The following WNT5A variants were observed in gnomAD, a reference collection of about 807,000 sequenced individuals.
WNT5A encodes protein Wnt-5a.
A neutral mutation model predicts 42.1 loss-of-function variants in WNT5A; 9 were observed. The ratio of observed to expected loss-of-function variants is 0.21; its 90% CI spans 0.13 to 0.37. The LOEUF (loss-of-function observed/expected upper bound fraction) is 0.37, where lower values mean the gene tolerates loss of function less well. Ranked by LOEUF, WNT5A falls within the 10% of genes least tolerant of loss-of-function variation. WNT5A has a pLI of 1.00. For synonymous variants in WNT5A, 210 were observed against 210.0 expected, an observed-to-expected ratio of 1.00 and a Z score of 0.00; for missense variants, 426 against 534.0, an observed-to-expected ratio of 0.80 and a Z score of 1.99.
In WNT5A at chr3:55,467,041, C is replaced by A. The variant is rs2051155342; in HGVS notation, c.*3051G>T. ...TAACTTGTATTAATTGCACTTAACACAATGAACCTTTAGTTTCCAACCAGT... is the reference window on the plus strand; with the variant it reads ...TAACTTGTATTAATTGCACTTAACAAAATGAACCTTTAGTTTCCAACCAGT... On this transcript the variant is annotated 3_prime_UTR_variant, in exon 5 of 5. Coordinates refer to ENST00000264634, the MANE Select transcript of WNT5A (RefSeq NM_003392.7). The A allele has an allele frequency of 6.6e-6, 1 of 152,218 alleles. No individual in the cohort carries two copies. The highest frequency in any genetic ancestry group is 1.9e-4 in the East Asian group (1 of 5,196). 9.4% of individuals were successfully genotyped at this position (152,218 alleles called of 1,614,324 possible).
At chr3:55,489,278 GACACACACACGCGCGCACACAC>G (rs1051798546), upstream of WNT5A, 2 of 117,414 alleles carry the variant, frequency 1.7e-5, no homozygotes, top group African/African-American at 7.5e-5. Context: ...CAAAGGTGAA[GACACACACACGCGCGCACACAC>G]ACACACACAC....
chr3:55,474,082 A>G (rs1396243342), intron 4 of WNT5A, among the ~76,000 whole-genome samples: 1 of 152,136 alleles, frequency 6.6e-6, no homozygotes, highest in East Asian at 1.9e-4. Flanking sequence ...AAGGGGGAGA[A>G]GAGAGAGACC....
chr3:55,470,197 C>G lies in WNT5A; in HGVS notation c.1038G>C (p.Gln346His), dbSNP rs2051220025. ...AGCGCTCCGTCTGCACGGTCTTGAACTGGTCGTAGCCACGGCCGCAGCACA... is the reference window on the plus strand; with the variant it reads ...AGCGCTCCGTCTGCACGGTCTTGAAGTGGTCGTAGCCACGGCCGCAGCACA... ...ELMCCGRGYD[Q>H]FKTVQTERCH... Residue 346 changes from glutamine (Q) to histidine (H), a missense_variant, in exon 5 of 5, where the codon CAG (glutamine) becomes CAC (histidine). Gln to His is a conservative substitution (Grantham distance 24). Around this residue, in one of 3 missense-constraint regions of WNT5A, gnomAD observed 358 missense variants for 468.1 expected, o/e 0.76. Transcript: ENST00000264634. 4 of 1,613,950 alleles carry G rather than the reference C, an allele frequency of 2.5e-6. No homozygotes were observed. The Admixed American group carries it at 5.0e-5, about 20-fold the overall frequency.
intron 3 of WNT5A, among the ~76,000 whole-genome samples, chr3:55,477,816 C>A (rs1242083399): frequency 6.6e-6 from 1 of 152,082 alleles, no homozygotes; most frequent in Non-Finnish European, 1.5e-5. Flanking sequence ...ATAAACAGTT[C>A]CGATTGCTGT....
intron 1 of WNT5A, 125 bp from the exon 2 acceptor site, chr3:55,481,043 G>A (rs1317215891): frequency 3.4e-5 from 37 of 1,102,874 alleles, no homozygotes; most frequent in Non-Finnish European, 4.0e-5. Context: ...CTTCTCCTCC[G>A]TGAGTTTTTT....
intron 4 of WNT5A, 58 bp downstream of exon 4, chr3:55,474,270 CCCGAGGAGG>C: frequency 6.3e-7 from 1 of 1,597,918 alleles, no homozygotes; most frequent in African/African-American, 1.3e-5. Context: ...CAGGGAGAGA[CCCGAGGAGG>C]CTGGAGGGCA....
At chr3:55,502,752 C>T in the WNT5A span, among the ~76,000 whole-genome samples, 42 of 152,292 alleles carry the variant, frequency 2.8e-4, no homozygotes, top group East Asian at 1.5e-3. Flanking sequence ...ACCACGGCTA[C>T]GGATTTTGGA....
At chr3:55,471,972 T>G (rs895459842) in intron 4 of WNT5A, among the ~76,000 whole-genome samples, 7 of 152,218 alleles carry the variant, frequency 4.6e-5, no homozygotes, top group African/African-American at 1.7e-4. Context: ...TCAGCTAGTC[T>G]GAGGAAGGGT....
intron 3 of WNT5A, among the ~76,000 whole-genome samples, chr3:55,475,605 A>G (rs1402619315): frequency 6.6e-6 from 1 of 152,184 alleles, no homozygotes; most frequent in African/African-American, 2.4e-5. Flanking sequence ...TTGTTCTTCA[A>G]TGCCACTTCT....
chr3:55,491,307 C>A (rs963051121), upstream of WNT5A, among the ~76,000 whole-genome samples: 2 of 152,152 alleles, frequency 1.3e-5, no homozygotes, highest in Non-Finnish European at 2.9e-5. Flanking sequence ...GCCTCTCCAT[C>A]TGTGAGGGTT....
chr3:55,492,345 G>C (rs1444321266), upstream of WNT5A, among the ~76,000 whole-genome samples: 1 of 152,120 alleles, frequency 6.6e-6, no homozygotes, highest in African/African-American at 2.4e-5. Flanking sequence ...TGACCCTGTA[G>C]TGGTCACCTA....
chr3:55,481,593 G>A (rs1417202218), intron 1 of WNT5A, among the ~76,000 whole-genome samples: 1 of 152,192 alleles, frequency 6.6e-6, no homozygotes, highest in Non-Finnish European at 1.5e-5. Flanking sequence ...CCGATGTGGG[G>A]AAAGCCACTT....
At chr3:55,486,540 T>A (rs1045793283) in intron 1 of WNT5A, among the ~76,000 whole-genome samples, 3 of 151,974 alleles carry the variant, frequency 2.0e-5, no homozygotes, top group African/African-American at 7.3e-5. Flanking sequence ...AAGGAGTCCC[T>A]TTCCCCATCC....
chr3:55,479,558 T>C lies in WNT5A; in HGVS notation c.147A>G (p.Leu49=), dbSNP rs1373764142. 6.3e-7 allele frequency: 1 copy of C among 1,587,610 alleles called. No homozygotes were observed. The highest frequency in any genetic ancestry group is 8.6e-7 in the Non-Finnish European group (1 of 1,163,126). Residue 49 remains leucine (L), a synonymous_variant, in exon 3 of 5, where the codon CTA becomes CTG. Coordinates refer to ENST00000264634, the MANE Select transcript of WNT5A (RefSeq NM_003392.7). ...VVIEANSWWS[L]GMNNPVQMSE... ...ACATCTGAACAGGGTTATTCATACC[T>C]AGCGACCTGCAAGGGGGGGAGATGT... is the stretch of plus-strand genomic sequence containing the variant.
chr3:55,497,452 A>G, the WNT5A span: 1 of 152,216 alleles, frequency 6.6e-6, no homozygotes, highest in South Asian at 2.1e-4. Flanking sequence ...ACTGTCATCC[A>G]ACAGATGAGG....
rs3773606 is a variant in WNT5A, at chr3:55,469,494, T to C, written c.*598A>G. The C allele has an allele frequency of 6.6e-6, 1 of 152,460 alleles. No homozygotes were observed. The highest frequency in any genetic ancestry group is 6.5e-5 in the Admixed American group (1 of 15,302). 9.4% of individuals were successfully genotyped at this position (152,460 alleles called of 1,614,324 possible). A position where few individuals can be genotyped will look rare whatever the true frequency, so the allele number is the denominator to read the frequency against. On this transcript the variant is annotated 3_prime_UTR_variant, in exon 5 of 5. Transcript: ENST00000264634. ...GAATGAGACATGTGATATACCTTTT[T>C]TCCTTGAGAATATGACATTCTTGTC... is the stretch of plus-strand genomic sequence containing the variant.
chr3:55,474,928 G>T (rs2051327306), intron 3 of WNT5A, among the ~76,000 whole-genome samples: 1 of 131,694 alleles, frequency 7.6e-6, no homozygotes, highest in South Asian at 3.1e-4. Context: ...TAGGGAGTAG[G>T]AGATGGGGGG....
intron 3 of WNT5A, among the ~76,000 whole-genome samples, chr3:55,475,332 G>T (rs908545907): frequency 6.6e-6 from 1 of 152,110 alleles, no homozygotes; most frequent in Admixed American, 6.5e-5. Flanking sequence ...GAATCTAAGG[G>T]AGACACTGCC....
the WNT5A span, among the ~76,000 whole-genome samples, chr3:55,502,418 G>A: frequency 9.9e-5 from 15 of 152,078 alleles, no homozygotes; most frequent in African/African-American, 3.6e-4. Flanking sequence ...CACTTTTTGT[G>A]GAATCAAAAG....
Sources: allele counts gnomAD v4.1 joint callset (sites outside exome capture counted in the v4.1 genomes callset), GRCh38; gene constraint gnomAD v4.1.1; regional missense constraint gnomAD v4.1.1; transcripts MANE v1.5; gene names NCBI Gene and HGNC (gene_info 2026-07-23, HGNC 2026-07-21).